Variants in NDUFAF7 observed in about 807,000 individuals in gnomAD.
The protein encoded by NDUFAF7 is protein arginine methyltransferase NDUFAF7, mitochondrial.
In NDUFAF7, 48 loss-of-function variants were observed where a neutral mutation model predicts 47.2. That is an observed-to-expected ratio of 1.02 (90% confidence interval 0.81 to 1.29). The LOEUF (loss-of-function observed/expected upper bound fraction) is 1.29, where lower values mean the gene tolerates loss of function less well. Among genes scored for constraint, NDUFAF7 ranks in the 50% most tolerant of loss-of-function variants. The pLI is 0.00. For synonymous variants in NDUFAF7, 217 were observed against 190.0 expected (o/e 1.14, Z -1.17); for missense variants, 635 against 537.6 (o/e 1.18, Z -1.79).
At chr2:37,235,639 C>CTTATTTATTTAT (rs57466107) in intron 2 of NDUFAF7, among the ~76,000 whole-genome samples, 9,795 of 149,812 alleles carry the variant, frequency 0.065, 618 homozygotes, top group East Asian at 0.16. Flanking sequence ...ATTTCCCTTG[C>CTTATTTATTTAT]TTATTTATTT....
chr2:37,247,651 T>A (rs1231531898), intron 9 of NDUFAF7, 22 bp downstream of exon 9: 10 of 1,611,608 alleles, frequency 6.2e-6, no homozygotes, highest in Non-Finnish European at 8.5e-6. Flanking sequence ...TTTATTTCAC[T>A]GTTATTAAGT....
chr2:37,266,414 C>T, the NDUFAF7 span, among the ~76,000 whole-genome samples: 1 of 152,070 alleles, frequency 6.6e-6, no homozygotes, highest in Non-Finnish European at 1.5e-5. Flanking sequence ...CAACCTCTGC[C>T]TCCCAGGTAC....
At chr2:37,257,012 T>C (rs867955117), downstream of NDUFAF7, 2 of 1,393,160 alleles carry the variant, frequency 1.4e-6, no homozygotes, top group Middle Eastern at 4.4e-4. Context: ...ACTGTATGTA[T>C]CATTTCAACA....
intron 4 of NDUFAF7, among the ~76,000 whole-genome samples, chr2:37,238,926 T>C (rs949892811): frequency 6.8e-6 from 1 of 146,580 alleles, no homozygotes; most frequent in Non-Finnish European, 1.5e-5. Flanking sequence ...AAAAAAAGAT[T>C]AGTCACATTG....
chr2:37,264,526 T>C, the NDUFAF7 span, among the ~76,000 whole-genome samples: 1 of 9,434 alleles, frequency 1.1e-4, no homozygotes, highest in East Asian at 9.4e-4. Flanking sequence ...AGTGGAGGGG[T>C]GGGAGGGTGG....
rs2430494 is a variant in NDUFAF7 at position 37,236,477 on chromosome 2, G to T, written c.297+301G>T. On this transcript the variant is annotated intron_variant, in intron 3 of 9. Coordinates refer to ENST00000002125, the MANE Select transcript of NDUFAF7 (RefSeq NM_144736.5). ...ACAGAAAAAGGAGAATCAGATGAAG[G>T]AAGAGAATGGAAGAAGGGGCCAGGC... Among the ~76,000 whole-genome samples, 110,270 of 151,750 alleles carry T rather than the reference G, an allele frequency of 0.73. 41,122 individuals carry two copies. Among genetic ancestry groups the T allele is most frequent in the East Asian group, 0.98 (5,067 of 5,160 alleles).
chr2:37,259,584 T>C, the NDUFAF7 span: 6 of 1,605,680 alleles, frequency 3.7e-6, no homozygotes, highest in African/African-American at 4.0e-5. Flanking sequence ...ATATCTCACC[T>C]GAGGAAATGG....
At chr2:37,260,412 C>T in the NDUFAF7 span, 1 of 1,577,560 alleles carries the variant, frequency 6.3e-7, no homozygotes, top group Non-Finnish European at 8.7e-7. Flanking sequence ...GATACATGAG[C>T]AACTTAAGCA....
At chr2:37,253,466 G>T, downstream of NDUFAF7, 1 of 795,822 alleles carries the variant, frequency 1.3e-6, no homozygotes, top group Non-Finnish European at 1.9e-6. Context: ...TAATTGACAG[G>T]CGCTACTCAT....
At chr2:37,232,901 C>G (rs1441046480) in intron 2 of NDUFAF7, among the ~76,000 whole-genome samples, 5 of 152,168 alleles carry the variant, frequency 3.3e-5, no homozygotes, top group East Asian at 1.9e-4. Flanking sequence ...AATATTTCAT[C>G]TTTTGCTGGG....
chr2:37,255,921 G>T (rs1004446049), downstream of NDUFAF7, among the ~76,000 whole-genome samples: 1 of 152,148 alleles, frequency 6.6e-6, no homozygotes, highest in African/African-American at 2.4e-5. Context: ...GGCTGAGGTG[G>T]GAGGATCACT....
downstream of NDUFAF7, among the ~76,000 whole-genome samples, chr2:37,257,863 T>TA (rs1369372184): frequency 6.6e-6 from 1 of 152,100 alleles, no homozygotes. Context: ...CAGCAACACT[T>TA]TTCTATCACT....
At chr2:37,249,419 A>G (rs2148452267), downstream of NDUFAF7, among the ~76,000 whole-genome samples, 1 of 152,282 alleles carries the variant, frequency 6.6e-6, no homozygotes, top group East Asian at 1.9e-4. Flanking sequence ...TCTACTAAAA[A>G]TACAAAAATT....
chr2:37,240,100 T>C (rs2540976), intron 4 of NDUFAF7, among the ~76,000 whole-genome samples: 9,885 of 152,270 alleles, frequency 0.065, 1,041 homozygotes, highest in African/African-American at 0.22. Flanking sequence ...ATTAGTGTTT[T>C]TGAGTTTATT....
intron 5 of NDUFAF7, chr2:37,242,401 TAAAAGCTTTAACTGC>T (rs1401341610): frequency 5.2e-6 from 2 of 385,738 alleles, no homozygotes; most frequent in African/African-American, 4.2e-5. Flanking sequence ...TTGTGATGAA[TAAAAGCTTTAACTGC>T]TATTTCAGGT....
the NDUFAF7 span, chr2:37,269,437 C>G: frequency 1.7e-6 from 1 of 596,868 alleles, no homozygotes; most frequent in East Asian, 2.8e-5. Context: ...TTTGCAATGA[C>G]ATTAAGGGAA....
rs775190353 is a variant in NDUFAF7, at chr2:37,231,697, A to T, written c.-9A>T. ...TCCTGGCGGAGCGAGCTAGCCTGCG[A>T]ATTTCAGCATGAGTGTACTGCTGAG... is the stretch of plus-strand genomic sequence containing the variant. On this transcript the variant is annotated 5_prime_UTR_variant, in exon 1 of 10. Coordinates refer to ENST00000002125, the MANE Select transcript of NDUFAF7 (RefSeq NM_144736.5). 8.0e-5 allele frequency: 129 copies of T among 1,614,220 alleles called. No individual in the cohort carries two copies. In the South Asian group the frequency reaches 1.3e-3, roughly 16 times the overall value.
At chr2:37,240,232 C>T (rs1046494101) in intron 4 of NDUFAF7, among the ~76,000 whole-genome samples, 10 of 152,036 alleles carry the variant, frequency 6.6e-5, no homozygotes, top group East Asian at 1.9e-4. Context: ...TTGGGCAATA[C>T]GGTGAAACTC....
intron 6 of NDUFAF7, 42 bp from the exon 7 acceptor site, chr2:37,243,817 GAACA>G (rs745974092): frequency 2.1e-6 from 3 of 1,461,444 alleles, no homozygotes; most frequent in South Asian, 2.3e-5. Context: ...GCAATGTAGA[GAACA>G]AACTTGCAAA....
Sources: gnomAD v4.1 joint callset for allele counts (sites outside exome capture counted in the v4.1 genomes callset) on GRCh38, gnomAD v4.1.1 for gene constraint, MANE v1.5 for transcripts, NCBI Gene and HGNC (gene_info 2026-07-23, HGNC 2026-07-21) for gene names.